SSR2: variants seen among roughly 807,000 people sequenced by gnomAD.
The protein encoded by SSR2 is signal sequence receptor subunit 2.
SSR2 carries 16 observed loss-of-function variants against 22.6 expected under a neutral mutation model. The ratio of observed to expected loss-of-function variants is 0.71; its 90% confidence interval spans 0.48 to 1.08. The LOEUF is 1.08. Among genes scored for constraint, SSR2 ranks in the 50% least tolerant of loss-of-function variants. SSR2 has a pLI of 0.00. For missense variants in SSR2, 171 were observed against 221.6 expected (o/e 0.77, Z 1.45); for synonymous variants, 83 against 91.2 (o/e 0.91, Z 0.51).
At chr1:156,015,203 ATG>A in intron 3 of SSR2, 134 bp from the exon 4 acceptor site, 1 of 687,298 alleles carries the variant, frequency 1.5e-6, no homozygotes, top group Non-Finnish European at 2.5e-6. Flanking sequence ...TTCTGCAGGA[ATG>A]AAAAAATATA....
In SSR2 at chr1:156,009,578, T is replaced by G; in HGVS notation, c.514A>C (p.Lys172Gln). 1.2e-6 allele frequency: 2 copies of G among 1,613,452 alleles called. No homozygotes were observed. The highest frequency in any genetic ancestry group is 1.7e-6 in the Non-Finnish European group (2 of 1,179,752). ...GTTTTGGGAGTGTCATATTTCCTCT[T>G]GCTGGAGTACCACAATAGCAGGGGG... ...GIPLLLWYSS[K>Q]RKYDTPKTKK... Residue 172 changes from lysine to glutamine, a missense_variant, in exon 6 of 6, where the codon AAG (lysine) becomes CAG (glutamine). Coordinates refer to ENST00000295702, the MANE Select transcript of SSR2 (RefSeq NM_003145.4).
At chr1:156,020,233 C>T in intron 1 of SSR2, 66 bp from the exon 2 acceptor site, 1 of 1,571,272 alleles carries the variant, frequency 6.4e-7, no homozygotes, top group South Asian at 1.1e-5. Context: ...ATCCTCTTGA[C>T]AGCGCTCCCG....
At chr1:156,017,721 C>T (rs1683077803) in intron 3 of SSR2, among the ~76,000 whole-genome samples, 2 of 133,246 alleles carry the variant, frequency 1.5e-5, no homozygotes, top group Non-Finnish European at 3.2e-5. Flanking sequence ...TATATCCTCC[C>T]AGTATAGTAT....
intron 1 of SSR2, chr1:156,020,526 C>T (rs986473265): frequency 3.3e-6 from 1 of 307,452 alleles, no homozygotes; most frequent in South Asian, 2.8e-5. Flanking sequence ...CTGTAGCTTT[C>T]CCTCACACAG....
Position 156,009,582 on chromosome 1 carries a change from G to A in SSR2, c.510C>T (p.Ser170=), listed in dbSNP as rs766831186. ...SIGIPLLLWY[S]SKRKYDTPKT... ...TGGGAGTGTCATATTTCCTCTTGCT[G>A]GAGTACCACAATAGCAGGGGGATGC... The change falls in exon 6 of 6, where the codon TCC becomes TCT. Residue 170 remains serine, a synonymous_variant. Transcript: ENST00000295702. The A allele has an allele frequency of 6.2e-7, 1 of 1,613,346 alleles. No homozygotes were observed. The highest frequency in any genetic ancestry group is 1.1e-5 in the South Asian group (1 of 90,818).
At chr1:156,015,575 T>G (rs1455724249) in intron 3 of SSR2, among the ~76,000 whole-genome samples, 2 of 134,352 alleles carry the variant, frequency 1.5e-5, no homozygotes, top group African/African-American at 5.6e-5. Flanking sequence ...TTTTTAAAAT[T>G]TACTGATTTT....
At chr1:156,015,949 G>A (rs953638525) in intron 3 of SSR2, among the ~76,000 whole-genome samples, 4 of 152,012 alleles carry the variant, frequency 2.6e-5, no homozygotes, top group African/African-American at 9.6e-5. Flanking sequence ...TCAGAAGTTC[G>A]AGACCAGCCT....
intron 2 of SSR2, 35 bp downstream of exon 2, chr1:156,019,978 T>A: frequency 2.5e-6 from 4 of 1,590,440 alleles, no homozygotes; most frequent in Non-Finnish European, 3.4e-6. Context: ...AATCCAGAAA[T>A]AGGCTTAATC....
intron 2 of SSR2, 65 bp from the exon 3 acceptor site, chr1:156,018,433 GC>G: frequency 7.2e-7 from 1 of 1,381,258 alleles, no homozygotes; most frequent in Non-Finnish European, 1.0e-6. Flanking sequence ...CAGGCCGGGC[GC>G]CGTGGCTCAC....
Position 156,018,326 on chromosome 1 carries a change from T to C in SSR2, c.198A>G (p.Pro66=). Reference sequence around the variant, plus strand: ...TTCCAGACACAATGCCAAAGTCTTCTGGAGGGAAGGAATCATCAGATAGTT... The same window carrying C: ...TTCCAGACACAATGCCAAAGTCTTCCGGAGGGAAGGAATCATCAGATAGTT... The part of the protein sequence containing the change: ...DVELSDDSFP[P]EDFGIVSGML... The change falls in exon 3 of 6, where the codon CCA becomes CCG. Residue 66 remains proline (P), a synonymous_variant. Transcript: ENST00000295702. 1.2e-6 allele frequency: 2 copies of C among 1,613,932 alleles called. No homozygotes were observed. The highest frequency in any genetic ancestry group is 1.7e-6 in the Non-Finnish European group (2 of 1,179,924).
chr1:156,015,184 C>A, intron 3 of SSR2, 115 bp from the exon 4 acceptor site: 2 of 760,702 alleles, frequency 2.6e-6, no homozygotes, highest in East Asian at 5.5e-5. Context: ...TGATCTCATG[C>A]CGGCAATATT....
Position 156,020,116 on chromosome 1 carries a change from C to G in SSR2, c.52G>C (p.Glu18Gln). The change falls in exon 2 of 6, where the codon GAG (glutamate) becomes CAG (glutamine). Residue 18 changes from glutamate (E) to glutamine (Q), a missense_variant. Coordinates refer to ENST00000295702, the MANE Select transcript of SSR2 (RefSeq NM_003145.4). The part of the protein sequence containing the change: ...VLALFAVTQA[E>Q]EGARLLASKS... ...GAAGCCAAAAGCCTGGCTCCTTCCT[C>G]TGCTTGAGTGACAGCAAATAGAGCC... is the stretch of plus-strand genomic sequence containing the variant. 6.2e-7 allele frequency: 1 copy of G among 1,614,182 alleles called. No homozygotes were observed. The highest frequency in any genetic ancestry group is 8.5e-7 in the Non-Finnish European group (1 of 1,180,036).
chr1:156,014,801 A>T, intron 4 of SSR2, 160 bp downstream of exon 4: 1 of 599,480 alleles, frequency 1.7e-6, no homozygotes, highest in Non-Finnish European at 3.0e-6. Flanking sequence ...CTCGGCCTCC[A>T]AAAATGCTAG....
chr1:156,012,543 A>G (rs981872169), intron 4 of SSR2: 4 of 456,202 alleles, frequency 8.8e-6, no homozygotes, highest in Non-Finnish European at 1.8e-5. Context: ...ACCAGGTAGA[A>G]CCAAAGAGTC....
At chr1:156,019,172 T>C (rs1480231590) in intron 2 of SSR2, 2 of 401,736 alleles carry the variant, frequency 5.0e-6, no homozygotes, top group Non-Finnish European at 1.0e-5. Flanking sequence ...GGTCAAGGAC[T>C]GGATTCTATT....
At chr1:156,010,110 G>C (rs1682959519) in intron 5 of SSR2, 1 of 155,926 alleles carries the variant, frequency 6.4e-6, no homozygotes, top group Admixed American at 6.5e-5. Flanking sequence ...CTGGAGTGGA[G>C]TGGCATGGTC....
At chr1:156,013,443 AAAAAG>A in intron 4 of SSR2, 1 of 152,874 alleles carries the variant, frequency 6.5e-6, no homozygotes, top group South Asian at 2.1e-4. Context: ...AAAAAAAGAA[AAAAAG>A]AAAAGAAAAA....
intron 1 of SSR2, 66 bp downstream of exon 1, chr1:156,020,822 C>G (rs1315278335): frequency 2.2e-6 from 1 of 456,620 alleles, no homozygotes; most frequent in Non-Finnish European, 4.6e-6. Context: ...CCCCCAGCCA[C>G]GGGGTGATGC....
intron 3 of SSR2, among the ~76,000 whole-genome samples, chr1:156,017,529 T>C (rs1452931560): frequency 5.9e-5 from 9 of 151,664 alleles, no homozygotes; most frequent in Non-Finnish European, 1.0e-4. Context: ...TTTGTATTTT[T>C]AGTAGAGACG....
Sources: allele counts gnomAD v4.1 joint callset (sites outside exome capture counted in the v4.1 genomes callset), GRCh38; gene constraint gnomAD v4.1.1; transcripts MANE v1.5; gene names NCBI Gene and HGNC (gene_info 2026-07-23, HGNC 2026-07-21).